The following ANKRD30B variants were observed in gnomAD, a reference collection of about 807,000 sequenced individuals.
ANKRD30B encodes ankyrin repeat domain 30B, also known as ankyrin repeat domain-containing protein 30B.
ANKRD30B carries 144 observed loss-of-function variants against 202.2 expected under a neutral mutation model. The ratio of observed to expected loss-of-function variants is 0.71; its 90% CI spans 0.62 to 0.82. ANKRD30B has a LOEUF of 0.82. Ranked by LOEUF, ANKRD30B falls within the 40% of genes least tolerant of loss-of-function variation. The pLI is 0.00. For synonymous variants in ANKRD30B, 508 were observed against 561.3 expected (o/e 0.91, Z 1.34); for missense variants, 1,487 against 1,669.1 (o/e 0.89, Z 1.90).
chr18:14,934,945 CA>C, the ANKRD30B span, among the ~76,000 whole-genome samples: 2,143 of 150,406 alleles, frequency 0.014, 54 homozygotes, highest in African/African-American at 0.05. Flanking sequence ...CACACACACA[CA>C]CACCCCATCG....
At chr18:14,781,831 T>C (rs901884873) in intron 11 of ANKRD30B, among the ~76,000 whole-genome samples, 7 of 152,164 alleles carry the variant, frequency 4.6e-5, no homozygotes, top group African/African-American at 1.7e-4. Flanking sequence ...TTCAGTAAGA[T>C]AATAATTAAC....
At chr18:14,775,943 T>C (rs745570762) in intron 9 of ANKRD30B, among the ~76,000 whole-genome samples, 1 of 152,254 alleles carries the variant, frequency 6.6e-6, no homozygotes, top group Non-Finnish European at 1.5e-5. Flanking sequence ...TTGCATGTGA[T>C]GAAATAATGT....
chr18:14,782,668 CATG>C (rs1967829346), intron 12 of ANKRD30B, 54 bp downstream of exon 12: 11 of 1,177,276 alleles, frequency 9.3e-6, no homozygotes, highest in Middle Eastern at 2.0e-4. Context: ...TGTCTAAACG[CATG>C]ATGACTGAAA....
chr18:14,838,227 AAAT>A (rs1244320142), intron 36 of ANKRD30B, among the ~76,000 whole-genome samples: 1 of 152,196 alleles, frequency 6.6e-6, no homozygotes, highest in African/African-American at 2.4e-5. Flanking sequence ...TCTAAAAACT[AAAT>A]GATTTCTCCA....
chr18:14,900,944 G>C, the ANKRD30B span, among the ~76,000 whole-genome samples: 1 of 152,140 alleles, frequency 6.6e-6, no homozygotes, highest in Admixed American at 6.5e-5. Flanking sequence ...TTATTGCATG[G>C]AGAAATAAAT....
intron 1 of ANKRD30B, among the ~76,000 whole-genome samples, chr18:14,749,807 A>T (rs542762304): frequency 6.6e-5 from 10 of 151,868 alleles, no homozygotes; most frequent in Non-Finnish European, 1.5e-4. Context: ...CTTGATAATG[A>T]TCACAAGGAT....
At chr18:14,819,010 C>G (rs1046412980) in intron 30 of ANKRD30B, among the ~76,000 whole-genome samples, 3 of 152,166 alleles carry the variant, frequency 2.0e-5, no homozygotes, top group African/African-American at 7.2e-5. Context: ...TCTCCACATC[C>G]TCTCCAGCAC....
chr18:14,854,107 T>C (rs999902032), intron 43 of ANKRD30B, among the ~76,000 whole-genome samples, 85 bp from the exon 44 acceptor site: 15 of 152,216 alleles, frequency 9.9e-5, no homozygotes, highest in African/African-American at 3.4e-4. Flanking sequence ...TATAATTAGT[T>C]TTATTACAAT....
chr18:14,917,158 ACT>A, the ANKRD30B span, among the ~76,000 whole-genome samples: 1 of 152,060 alleles, frequency 6.6e-6, no homozygotes, highest in African/African-American at 2.4e-5. Context: ...CCCAGTGCCT[ACT>A]GCAGGCTATT....
At chr18:14,824,101 T>C (rs1970568313) in intron 32 of ANKRD30B, among the ~76,000 whole-genome samples, 1 of 56,294 alleles carries the variant, frequency 1.8e-5, no homozygotes, top group Admixed American at 3.2e-4. Flanking sequence ...CATATTATTT[T>C]GGAACTTCCT....
At position 14,837,461 on chromosome 18, in the gene ANKRD30B, CT is replaced by C. The variant is rs879340454; in HGVS notation, c.2927-146del. ...GATATCTTTCTTCATACTATCAACT[CT>C]TTTTTTTCTGAACCTGCTTCAATTC... is the stretch of plus-strand genomic sequence containing the variant. On this transcript the variant is annotated intron_variant, in intron 35 of 43. Coordinates refer to ENST00000690538, the MANE Select transcript of ANKRD30B (RefSeq NM_001367607.2). Among the ~76,000 whole-genome samples, 363 of 151,414 alleles carry C rather than the reference CT, an allele frequency of 2.4e-3. 1 individual carries two copies. Among genetic ancestry groups the C allele is most frequent in the Non-Finnish European group, 3.7e-3 (250 of 67,858 alleles).
At chr18:14,796,809 G>A (rs543666224) in intron 18 of ANKRD30B, among the ~76,000 whole-genome samples, 54 of 150,590 alleles carry the variant, frequency 3.6e-4, no homozygotes, top group Non-Finnish European at 3.5e-4. Flanking sequence ...ATTAAGTTTA[G>A]TGAGGGTGGG....
the ANKRD30B span, among the ~76,000 whole-genome samples, chr18:14,881,420 T>C: frequency 2.0e-5 from 3 of 152,050 alleles, no homozygotes; most frequent in East Asian, 1.9e-4. Context: ...TCCTGTATCA[T>C]TGGTATGAAA....
chr18:14,852,662 A>T (rs1057362199), intron 42 of ANKRD30B: 16 of 337,774 alleles, frequency 4.7e-5, no homozygotes, highest in African/African-American at 3.0e-4. Context: ...TTTTTAATAG[A>T]TTAACATTAA....
Position 14,840,715 on chromosome 18 carries a change from A to T in ANKRD30B, c.3079+37A>T, listed in dbSNP as rs1357789444. ...TTTTTATTTAAAACATCTTTTGTCC[A>T]AATGTTTGTCTCAAAGCATGAGGAC... On this transcript the variant is annotated intron_variant, in intron 37 of 43. Transcript: ENST00000690538. 4 of 1,239,802 alleles carry T rather than the reference A, an allele frequency of 3.2e-6. No homozygotes were observed. The African/African-American group carries it at 6.1e-5, about 19-fold the overall frequency. The allele number at this position is 1,239,802 out of a possible 1,614,324, so 76.8% of individuals were successfully genotyped here. A position where few individuals can be genotyped will look rare whatever the true frequency, so the allele number is the denominator to read the frequency against.
chr18:14,778,489 G>A (rs1428133563), intron 10 of ANKRD30B, among the ~76,000 whole-genome samples: 2 of 152,218 alleles, frequency 1.3e-5, no homozygotes, highest in Admixed American at 6.5e-5. Context: ...ATTTGCCAGA[G>A]AATTACAGCA....
intron 30 of ANKRD30B, chr18:14,816,618 C>T (rs1370850682): frequency 6.7e-6 from 1 of 148,490 alleles, no homozygotes; most frequent in East Asian, 2.0e-4. Context: ...ACACTCCAGC[C>T]TGGGTGACAG....
the ANKRD30B span, among the ~76,000 whole-genome samples, chr18:14,866,382 G>A: frequency 3.9e-5 from 6 of 152,136 alleles, no homozygotes; most frequent in African/African-American, 9.7e-5. Flanking sequence ...AGGGGGGCTG[G>A]AGCAGTAAGA....
At chr18:14,916,203 G>A in the ANKRD30B span, among the ~76,000 whole-genome samples, 83 of 152,328 alleles carry the variant, frequency 5.4e-4, 2 homozygotes, top group South Asian at 0.015. Context: ...GTTCCCAGGA[G>A]GCCACCAACA....
Sources: gnomAD v4.1 joint callset for allele counts (sites outside exome capture counted in the v4.1 genomes callset) on GRCh38, gnomAD v4.1.1 for gene constraint, MANE v1.5 for transcripts, NCBI Gene and HGNC (gene_info 2026-07-23, HGNC 2026-07-21) for gene names.